RIMS1: variants seen among roughly 807,000 people sequenced by gnomAD.
RIMS1 encodes regulating synaptic membrane exocytosis protein 1.
A neutral mutation model predicts 214.1 loss-of-function variants in RIMS1; 83 were observed. The ratio of observed to expected loss-of-function variants is 0.39; its 90% CI spans 0.32 to 0.47. RIMS1 has a LOEUF of 0.47. Ranked by LOEUF, RIMS1 falls within the 20% of genes least tolerant of loss-of-function variation. The probability of loss-of-function intolerance (pLI) is 0.99; values close to 1 mark genes in which losing one functional copy is unlikely to be tolerated. For missense variants in RIMS1, 2,050 were observed against 2,161.8 expected, an observed-to-expected ratio of 0.95 and a Z score of 1.03; for synonymous variants, 793 against 786.8, an observed-to-expected ratio of 1.01 and a Z score of -0.13.
At chr6:72,382,306 A>T (rs2098503909) in intron 29 of RIMS1, among the ~76,000 whole-genome samples, 1 of 152,202 alleles carries the variant, frequency 6.6e-6, no homozygotes, top group Non-Finnish European at 1.5e-5. Flanking sequence ...ACAACACAAA[A>T]GGAACATTTG....
intron 2 of RIMS1, among the ~76,000 whole-genome samples, chr6:72,015,548 C>G (rs74953346): frequency 0.011 from 1,729 of 152,242 alleles, 9 homozygotes; most frequent in Non-Finnish European, 0.017. Context: ...AACTTCCCAG[C>G]CTACATTCTT....
At chr6:72,393,730 GA>G (rs1035381482) in intron 31 of RIMS1, among the ~76,000 whole-genome samples, 233 of 140,368 alleles carry the variant, frequency 1.7e-3, no homozygotes, top group East Asian at 5.8e-3. Context: ...CCGTCTCCAA[GA>G]AAAAAAAAAA....
chr6:71,895,673 CAAAAAAAAAAAAA>C (rs70994105), intron 1 of RIMS1, among the ~76,000 whole-genome samples: 1 of 64,222 alleles, frequency 1.6e-5, no homozygotes, highest in Non-Finnish European at 2.8e-5. Context: ...GACTCCCTCT[CAAAAAAAAAAAAA>C]AAAAAAAAAA....
intron 2 of RIMS1, among the ~76,000 whole-genome samples, chr6:72,029,723 A>G (rs761382846): frequency 6.6e-6 from 1 of 152,196 alleles, no homozygotes; most frequent in Non-Finnish European, 1.5e-5. Flanking sequence ...AGATGGAGGA[A>G]TACCAAAACA....
chr6:71,938,126 C>T (rs964319363), intron 1 of RIMS1, among the ~76,000 whole-genome samples: 2 of 152,122 alleles, frequency 1.3e-5, no homozygotes, highest in African/African-American at 2.4e-5. Flanking sequence ...CCAAGTAAGT[C>T]GAAAACCCAA....
intron 22 of RIMS1, among the ~76,000 whole-genome samples, chr6:72,273,989 A>G (rs1047352671): frequency 7.2e-5 from 11 of 152,188 alleles, no homozygotes; most frequent in Non-Finnish European, 1.3e-4. Context: ...CATAAGCCAT[A>G]TTCCTAAAGA....
chr6:72,329,651 C>G (rs2096593388), intron 28 of RIMS1, among the ~76,000 whole-genome samples: 1 of 151,376 alleles, frequency 6.6e-6, no homozygotes, highest in African/African-American at 2.4e-5. Flanking sequence ...TCAAATGACC[C>G]TTAGGTGCTC....
intron 2 of RIMS1, among the ~76,000 whole-genome samples, chr6:72,089,036 C>T (rs1218518566): frequency 1.3e-5 from 2 of 151,912 alleles, no homozygotes; most frequent in Admixed American, 6.6e-5. Flanking sequence ...ATATTGTTCA[C>T]CCCTGGTACA....
In RIMS1 at chr6:72,236,757, A is replaced by T. The variant is rs112356974; in HGVS notation, c.1857+1029A>T. The stretch of plus-strand genomic sequence containing the variant: ...TTGTCTTGGGTCACACTTAAAGTAC[A>T]TCAACACTAACAATAGCTGATGAGC... On this transcript the variant is annotated intron_variant, in intron 8 of 33. Coordinates refer to ENST00000521978, the MANE Select transcript of RIMS1 (RefSeq NM_014989.7). Among the ~76,000 whole-genome samples, 38 of 150,472 alleles carry T rather than the reference A, an allele frequency of 2.5e-4. 1 individual carries two copies. The highest frequency in any genetic ancestry group is 8.8e-4 in the African/African-American group (36 of 40,930).
intron 2 of RIMS1, among the ~76,000 whole-genome samples, chr6:72,025,516 C>T (rs187645276): frequency 1.7e-4 from 26 of 152,264 alleles, no homozygotes; most frequent in Admixed American, 1.2e-3. Context: ...AAGTAATATA[C>T]CACACACCAT....
chr6:72,034,712 C>G (rs1005046603), intron 2 of RIMS1, among the ~76,000 whole-genome samples: 7 of 151,950 alleles, frequency 4.6e-5, no homozygotes, highest in Admixed American at 1.3e-4. Flanking sequence ...TTTTTATTAT[C>G]ACTAAGAAAT....
At chr6:71,946,537 C>A (rs1257834930) in intron 1 of RIMS1, among the ~76,000 whole-genome samples, 2 of 152,138 alleles carry the variant, frequency 1.3e-5, no homozygotes, top group Non-Finnish European at 2.9e-5. Context: ...GGGGAAAAGG[C>A]AGTTTCTTCA....
intron 1 of RIMS1, among the ~76,000 whole-genome samples, chr6:71,951,652 G>A (rs1374636547): frequency 4.8e-5 from 5 of 105,016 alleles, no homozygotes; most frequent in Non-Finnish European, 9.5e-5. Context: ...GCACCACCAC[G>A]CTTAGCTAAT....
intron 2 of RIMS1, among the ~76,000 whole-genome samples, chr6:72,083,123 C>T (rs907422437): frequency 2.0e-5 from 3 of 151,984 alleles, no homozygotes; most frequent in African/African-American, 4.8e-5. Flanking sequence ...AAGAAGGATA[C>T]ATTTGATGTA....
At chr6:72,057,331 A>T (rs1562219784) in intron 2 of RIMS1, among the ~76,000 whole-genome samples, 1 of 152,018 alleles carries the variant, frequency 6.6e-6, no homozygotes, top group Non-Finnish European at 1.5e-5. Flanking sequence ...CCACGCCAAC[A>T]AAACTGTGGC....
At chr6:72,058,065 T>G (rs571517797) in intron 2 of RIMS1, among the ~76,000 whole-genome samples, 2 of 152,374 alleles carry the variant, frequency 1.3e-5, no homozygotes, top group South Asian at 4.1e-4. Flanking sequence ...TATAAAGTAC[T>G]TACTTGATTC....
intron 2 of RIMS1, among the ~76,000 whole-genome samples, chr6:72,074,728 G>C (rs2153750147): frequency 6.6e-6 from 1 of 152,258 alleles, no homozygotes; most frequent in East Asian, 1.9e-4. Flanking sequence ...GAAGTATCTT[G>C]AAGATGATTG....
chr6:72,047,724 CA>C (rs1428273169), intron 2 of RIMS1, among the ~76,000 whole-genome samples: 1 of 152,106 alleles, frequency 6.6e-6, no homozygotes. Context: ...CTAAAACAAA[CA>C]AGAAGTTAGT....
chr6:72,327,686 A>T (rs1303228329), intron 28 of RIMS1, among the ~76,000 whole-genome samples: 1 of 151,684 alleles, frequency 6.6e-6, no homozygotes, highest in South Asian at 2.1e-4. Flanking sequence ...GTTATTGTCT[A>T]TTTTTTATTA....
Sources: allele counts gnomAD v4.1 joint callset (sites outside exome capture counted in the v4.1 genomes callset), GRCh38; gene constraint gnomAD v4.1.1; transcripts MANE v1.5; gene names NCBI Gene and HGNC (gene_info 2026-07-23, HGNC 2026-07-21).